Variants in HS2ST1 observed in about 807,000 individuals in gnomAD.
The protein encoded by HS2ST1 is heparan sulfate 2-O-sulfotransferase 1.
Under a neutral mutation model 42.9 loss-of-function variants are expected in HS2ST1, and 18 were observed. That is an observed-to-expected ratio of 0.42 (90% CI 0.29 to 0.62). The LOEUF is 0.62. Ranked by LOEUF, HS2ST1 falls within the 20% of genes least tolerant of loss-of-function variation. The pLI, the probability that HS2ST1 is intolerant of heterozygous loss-of-function variation, is 0.21. For missense variants in HS2ST1, 334 were observed against 433.8 expected (o/e 0.77, Z 2.04); for synonymous variants, 146 against 152.9 (o/e 0.95, Z 0.33).
intron 3 of HS2ST1, among the ~76,000 whole-genome samples, chr1:87,090,981 C>A (rs1267719587): frequency 1.3e-5 from 2 of 151,914 alleles, no homozygotes; most frequent in Admixed American, 6.6e-5. Flanking sequence ...GAATTGTATT[C>A]TCCCTCACCT....
At chr1:86,992,008 G>A (rs577754123) in intron 1 of HS2ST1, among the ~76,000 whole-genome samples, 16 of 152,090 alleles carry the variant, frequency 1.1e-4, no homozygotes, top group Non-Finnish European at 2.4e-4. Context: ...TGGCATTATC[G>A]CCTGAGCTCT....
At chr1:87,050,755 G>A (rs1312242399) in intron 1 of HS2ST1, among the ~76,000 whole-genome samples, 2 of 151,930 alleles carry the variant, frequency 1.3e-5, no homozygotes, top group East Asian at 1.9e-4. Flanking sequence ...ATTACTCTAG[G>A]GTCAGAAATC....
At chr1:87,005,093 T>C (rs1649395983) in intron 1 of HS2ST1, among the ~76,000 whole-genome samples, 1 of 152,242 alleles carries the variant, frequency 6.6e-6, no homozygotes, top group Non-Finnish European at 1.5e-5. Flanking sequence ...ATCATGTCCC[T>C]CTGGTAAGAT....
chr1:87,031,598 CTA>C (rs1226609319), intron 1 of HS2ST1, among the ~76,000 whole-genome samples: 10 of 152,148 alleles, frequency 6.6e-5, no homozygotes, highest in Non-Finnish European at 1.0e-4. Flanking sequence ...GGTAGCAAGA[CTA>C]TTGATTAAGG....
In HS2ST1 at chr1:86,935,455, CTTTT is replaced by C. The variant is rs552713297; in HGVS notation, c.124+20317_124+20320del. 1.5e-4 allele frequency among the ~76,000 whole-genome samples: 9 copies of C among 62,056 alleles called. No individual in the cohort carries two copies. The East Asian group carries it at 2.2e-3, about 15-fold the overall frequency. The allele number at this position is 62,056 out of a possible 152,430, so 40.7% of individuals were successfully genotyped here. A position where few individuals can be genotyped will look rare whatever the true frequency, so the allele number is the denominator to read the frequency against. ...GAGGTTTTGTAATTTTCTTTTTCTC[CTTTT>C]TTTTTTTTTTTTTTTTTTTTTGAGA... On this transcript the variant is annotated intron_variant, in intron 1 of 6. Transcript: ENST00000370550.
chr1:87,098,057 A>T, intron 5 of HS2ST1, 122 bp downstream of exon 5: 1 of 1,479,964 alleles, frequency 6.8e-7, no homozygotes, highest in Admixed American at 2.4e-5. Context: ...AATAACATGT[A>T]ATTCAGTAAT....
intron 3 of HS2ST1, among the ~76,000 whole-genome samples, chr1:87,091,165 GTAT>G (rs1651930418): frequency 1.3e-5 from 2 of 151,912 alleles, no homozygotes. Context: ...ACCTAGAATA[GTAT>G]TATATCTGGC....
chr1:87,101,171 T>G (rs1378535974), intron 5 of HS2ST1, among the ~76,000 whole-genome samples: 17 of 125,820 alleles, frequency 1.4e-4, no homozygotes, highest in East Asian at 6.9e-4. Context: ...TTTTTTTTTT[T>G]TTTTTTTTTT....
chr1:86,936,324 CAT>C (rs1376915842), intron 1 of HS2ST1, among the ~76,000 whole-genome samples: 7 of 152,040 alleles, frequency 4.6e-5, no homozygotes, highest in African/African-American at 1.4e-4. Context: ...GTTTCTATAA[CAT>C]GTCATTGCAT....
intron 1 of HS2ST1, among the ~76,000 whole-genome samples, chr1:87,044,291 A>C (rs540659281): frequency 6.6e-6 from 1 of 152,274 alleles, no homozygotes; most frequent in East Asian, 1.9e-4. Context: ...TGCAGATGCC[A>C]TTTATTTGGT....
chr1:87,066,176 A>G (rs774862529), intron 1 of HS2ST1, among the ~76,000 whole-genome samples: 3 of 152,250 alleles, frequency 2.0e-5, no homozygotes, highest in Non-Finnish European at 4.4e-5. Flanking sequence ...GCCTGTCAGT[A>G]TGGAAATAGG....
Position 87,088,529 on chromosome 1 carries a change from A to G in HS2ST1, c.450-4002A>G, listed in dbSNP as rs75348377. ...TGAATAAAGCTGTCAAAACATTTGC[A>G]TACAGGTTTTGTGCGGACTTATGTC... On this transcript the variant is annotated intron_variant, in intron 3 of 6. Transcript: ENST00000370550. Among the ~76,000 whole-genome samples the G allele has an allele frequency of 2.8e-3, 429 of 152,182 alleles. 1 individual carries two copies. The highest frequency in any genetic ancestry group is 9.8e-3 in the African/African-American group (408 of 41,552).
chr1:87,102,048 TTTATTA>T (rs756546504), intron 5 of HS2ST1, among the ~76,000 whole-genome samples: 2 of 151,286 alleles, frequency 1.3e-5, no homozygotes, highest in East Asian at 1.9e-4. Context: ...GACCCAGTCG[TTTATTA>T]TTATTATTAT....
intron 1 of HS2ST1, among the ~76,000 whole-genome samples, chr1:86,921,607 T>G (rs1239579050): frequency 1.3e-5 from 2 of 152,156 alleles, no homozygotes; most frequent in African/African-American, 4.8e-5. Context: ...TTCTCTTTTT[T>G]CTACGTAAGA....
At chr1:86,937,879 T>C (rs1660689165) in intron 1 of HS2ST1, among the ~76,000 whole-genome samples, 1 of 152,092 alleles carries the variant, frequency 6.6e-6, no homozygotes, top group Non-Finnish European at 1.5e-5. Flanking sequence ...TTTCAGTAAT[T>C]TAGATGAGGT....
chr1:87,045,648 T>C, intron 1 of HS2ST1: 1 of 773,998 alleles, frequency 1.3e-6, no homozygotes, highest in East Asian at 2.5e-5. Flanking sequence ...CTTCAATCTT[T>C]CCAATACTGT....
At chr1:86,987,993 G>A (rs1240354944) in intron 1 of HS2ST1, among the ~76,000 whole-genome samples, 1 of 152,140 alleles carries the variant, frequency 6.6e-6, no homozygotes, top group African/African-American at 2.4e-5. Context: ...CAGGATGAGA[G>A]AGACTCCTCG....
At chr1:86,931,866 T>G (rs917179720) in intron 1 of HS2ST1, among the ~76,000 whole-genome samples, 1 of 152,152 alleles carries the variant, frequency 6.6e-6, no homozygotes, top group Non-Finnish European at 1.5e-5. Flanking sequence ...GGATTAAAAA[T>G]AACACGGTGC....
intron 1 of HS2ST1, among the ~76,000 whole-genome samples, chr1:87,005,684 C>G (rs1649418800): frequency 6.6e-6 from 1 of 152,138 alleles, no homozygotes; most frequent in African/African-American, 2.4e-5. Flanking sequence ...TTAAGAGATT[C>G]TCTTTTACTA....
Sources: gnomAD v4.1 joint callset for allele counts (sites outside exome capture counted in the v4.1 genomes callset) on GRCh38, gnomAD v4.1.1 for gene constraint, MANE v1.5 for transcripts, NCBI Gene and HGNC (gene_info 2026-07-23, HGNC 2026-07-21) for gene names.